Variants in PTPRM observed in about 807,000 individuals in gnomAD.
PTPRM encodes the protein receptor-type tyrosine-protein phosphatase mu.
A neutral mutation model predicts 186.7 loss-of-function variants in PTPRM; 47 were observed. That is an observed-to-expected ratio of 0.25 (90% CI 0.20 to 0.32). The LOEUF (loss-of-function observed/expected upper bound fraction) is 0.32, where lower values mean the gene tolerates loss of function less well. Ranked by LOEUF, PTPRM falls within the 10% of genes least tolerant of loss-of-function variation. PTPRM has a pLI of 1.00. For missense variants in PTPRM, 1,494 were observed against 1,865.0 expected (o/e 0.80, Z 3.66); for synonymous variants, 668 against 674.9 (o/e 0.99, Z 0.16).
At position 8,380,358 on chromosome 18, in the gene PTPRM, C is replaced by T; in HGVS notation, c.3849C>T (p.Asp1283=). ...ATCCTTTGCCAAACACAGTGAAAGA[C>T]TTTTGGAGACTGGTCCTGGATTATC... ...TQHPLPNTVK[D]FWRLVLDYHC... The change falls in exon 29 of 33, where the codon GAC becomes GAT. Residue 1283 remains aspartate (D), a synonymous_variant. Transcript: ENST00000580170. 6.2e-7 allele frequency: 1 copy of T among 1,614,120 alleles called. No individual in the cohort carries two copies. Among genetic ancestry groups the T allele is most frequent in the Non-Finnish European group, 8.5e-7 (1 of 1,179,972 alleles).
intron 1 of PTPRM, among the ~76,000 whole-genome samples, chr18:7,633,743 T>C (rs1440646780): frequency 6.6e-6 from 1 of 152,176 alleles, no homozygotes; most frequent in Non-Finnish European, 1.5e-5. Context: ...GCATCTTTTG[T>C]CTGGTTCTCA....
chr18:8,376,162 G>C lies in PTPRM; in HGVS notation c.3288G>C (p.Lys1096Asn). Residue 1096 changes from lysine to asparagine, a missense_variant, in exon 25 of 33, where the codon AAG (lysine) becomes AAC (asparagine). Physicochemically the swap from Lys to Asn is moderately conservative, Grantham distance 94. This residue lies in a region of PTPRM where 1,107 missense variants were observed against 1,350.2 expected (regional missense o/e 0.82). Transcript: ENST00000580170. ...GATTCGTGCGGCAAGTCAAGTCCAA[G>C]AGCCCGCCCAGTGCAGGCCCACTGG... Reference protein sequence around the residue: ...LLGFVRQVKSKSPPSAGPLVV... With the variant: ...LLGFVRQVKSNSPPSAGPLVV... The C allele has an allele frequency of 6.2e-7, 1 of 1,613,714 alleles. No homozygotes were observed. Among genetic ancestry groups the C allele is most frequent in the Non-Finnish European group, 8.5e-7 (1 of 1,180,000 alleles).
chr18:7,722,273 T>C (rs923429446), intron 1 of PTPRM, among the ~76,000 whole-genome samples: 1 of 152,196 alleles, frequency 6.6e-6, no homozygotes, highest in African/African-American at 2.4e-5. Flanking sequence ...TCAGATTGGC[T>C]TCTTTCACTG....
chr18:8,133,247 G>T (rs2092557161), intron 13 of PTPRM, among the ~76,000 whole-genome samples: 1 of 152,076 alleles, frequency 6.6e-6, no homozygotes, highest in Non-Finnish European at 1.5e-5. Flanking sequence ...ATTTTGCAGA[G>T]GACATTCAAA....
chr18:8,394,610 T>C lies in PTPRM; in HGVS notation c.4343T>C (p.Leu1448Pro), dbSNP rs2095836724. ...RNNKPNMVDL[L>P]DQYKFCYEVA... ...AACAAGCCCAACATGGTCGACCTCCTGGTAGGACACCCCCTCTGAGCTGTT... is the reference window on the plus strand; with the variant it reads ...AACAAGCCCAACATGGTCGACCTCCCGGTAGGACACCCCCTCTGAGCTGTT... Residue 1448 changes from leucine (L) to proline (P), a missense_variant and splice_region_variant, in exon 32 of 33, where the codon CTG (leucine) becomes CCG (proline). By Grantham distance (98) the Leu-to-Pro change is moderately conservative (BLOSUM62 -3). Coordinates refer to ENST00000580170, the MANE Select transcript of PTPRM (RefSeq NM_001105244.2). The C allele has an allele frequency of 1.2e-6, 2 of 1,609,510 alleles. No individual in the cohort carries two copies. The highest frequency in any genetic ancestry group is 1.7e-6 in the Non-Finnish European group (2 of 1,177,740).
intron 31 of PTPRM, among the ~76,000 whole-genome samples, chr18:8,391,038 A>G (rs1427340074): frequency 6.6e-6 from 1 of 152,098 alleles, no homozygotes; most frequent in Admixed American, 6.5e-5. Flanking sequence ...GCAAATCCAC[A>G]TTGAAACCAG....
intron 15 of PTPRM, among the ~76,000 whole-genome samples, chr18:8,244,747 C>T (rs753455695): frequency 1.3e-5 from 2 of 152,150 alleles, no homozygotes; most frequent in African/African-American, 2.4e-5. Context: ...TACTGCCTTC[C>T]CATACTACTA....
rs1032683146 is a variant in PTPRM at position 7,568,524 on chromosome 18, G to T, written c.73+633G>T. 1.5e-4 allele frequency among the ~76,000 whole-genome samples: 23 copies of T among 152,144 alleles called. No individual in the cohort carries two copies. The highest frequency in any genetic ancestry group is 4.6e-4 in the Admixed American group (7 of 15,286). On this transcript the variant is annotated intron_variant, in intron 1 of 32. Coordinates refer to ENST00000580170, the MANE Select transcript of PTPRM (RefSeq NM_001105244.2). This position sits in a 1 kb window ranked among gnomAD's most constrained non-coding sequence, Gnocchi z 5.1. ...TCGCCGGTCCCAGCGGTAGGGCTTGGCGGCCGCGGAGGGAAGCGGGCAGGT... is the reference window on the plus strand; with the variant it reads ...TCGCCGGTCCCAGCGGTAGGGCTTGTCGGCCGCGGAGGGAAGCGGGCAGGT...
chr18:7,687,475 T>C (rs1418326984), intron 1 of PTPRM, among the ~76,000 whole-genome samples: 1 of 152,214 alleles, frequency 6.6e-6, no homozygotes, highest in Non-Finnish European at 1.5e-5. Flanking sequence ...TTTACTCTAA[T>C]TTATTTGATA....
rs539952401 is a variant in PTPRM, at chr18:7,689,389, G to A, written c.74-84760G>A. On this transcript the variant is annotated intron_variant, in intron 1 of 32. Coordinates refer to ENST00000580170, the MANE Select transcript of PTPRM (RefSeq NM_001105244.2). ...TGCACGCACCCTTGGAGCCACAGTAGCAATGCCCTCCCTCGGCCCACCCCA... is the reference window on the plus strand; with the variant it reads ...TGCACGCACCCTTGGAGCCACAGTAACAATGCCCTCCCTCGGCCCACCCCA... 3.3e-5 allele frequency among the ~76,000 whole-genome samples: 5 copies of A among 152,322 alleles called. No homozygotes were observed. In the South Asian group the frequency reaches 1.0e-3, roughly 32 times the overall value.
At chr18:8,319,733 C>T (rs545876664) in intron 22 of PTPRM, among the ~76,000 whole-genome samples, 102 of 152,104 alleles carry the variant, frequency 6.7e-4, no homozygotes, top group Non-Finnish European at 1.1e-3. Context: ...GGTTGCTTTC[C>T]GGTGGGATGA....
At chr18:7,739,583 CAACTTTAGG>C (rs2040845671) in intron 1 of PTPRM, among the ~76,000 whole-genome samples, 1 of 152,208 alleles carries the variant, frequency 6.6e-6, no homozygotes, top group Admixed American at 6.5e-5. Flanking sequence ...TCCCATTCTT[CAACTTTAGG>C]ATAAATGGGG....
intron 14 of PTPRM, among the ~76,000 whole-genome samples, chr18:8,178,941 A>G (rs2093530841): frequency 6.6e-6 from 1 of 152,130 alleles, no homozygotes; most frequent in South Asian, 2.1e-4. Flanking sequence ...CTCACCTCTT[A>G]AGGTCCCAAG....
rs74611765 is a variant in PTPRM, at chr18:8,358,130, T to G, written c.3055-12760T>G. 5.3e-3 allele frequency among the ~76,000 whole-genome samples: 796 copies of G among 150,642 alleles called. 48 individuals carry two copies. The East Asian group carries it at 0.13, about 25-fold the overall frequency. Reference sequence around the variant, plus strand: ...GCACATTTTTGTTTAAGGCTAGCTATTCCCCCCCCCACACACACACACATT... The same window carrying G: ...GCACATTTTTGTTTAAGGCTAGCTAGTCCCCCCCCCACACACACACACATT... On this transcript the variant is annotated intron_variant, in intron 23 of 32. Coordinates refer to ENST00000580170, the MANE Select transcript of PTPRM (RefSeq NM_001105244.2).
At chr18:8,313,231 A>G (rs184583909) in intron 20 of PTPRM, among the ~76,000 whole-genome samples, 11 of 152,306 alleles carry the variant, frequency 7.2e-5, no homozygotes, top group Admixed American at 3.3e-4. Context: ...AGGGTTTCCC[A>G]CTGCTCTAGC....
chr18:8,376,233 C>T (rs1226266792), intron 25 of PTPRM, 33 bp downstream of exon 25: 7 of 1,600,752 alleles, frequency 4.4e-6, no homozygotes, highest in East Asian at 2.2e-5. Context: ...TTGAAGGAAA[C>T]GCAGTGGGTG....
At chr18:7,907,388 G>T (rs756365555) in intron 4 of PTPRM, among the ~76,000 whole-genome samples, 1 of 152,190 alleles carries the variant, frequency 6.6e-6, no homozygotes, top group African/African-American at 2.4e-5. Context: ...AACACTAGTG[G>T]TCTAGACTCA....
intron 14 of PTPRM, among the ~76,000 whole-genome samples, chr18:8,183,635 A>G (rs1302647794): frequency 1.3e-5 from 2 of 152,146 alleles, no homozygotes; most frequent in Non-Finnish European, 2.9e-5. Flanking sequence ...GTGTTAACCA[A>G]TGGGAGGAAT....
At chr18:8,240,499 GAGGAAGGAAGGAAGGAAGGAAGGA>G (rs1300777583) in intron 14 of PTPRM, among the ~76,000 whole-genome samples, 2 of 13,550 alleles carry the variant, frequency 1.5e-4, no homozygotes, top group Admixed American at 9.6e-4. Context: ...GAGAGAGAGA[GAGGAAGGAAGGAAGGAAGGAAGGA>G]AGGAAGGAAG....
Sources: allele counts gnomAD v4.1 joint callset (sites outside exome capture counted in the v4.1 genomes callset), GRCh38; gene constraint gnomAD v4.1.1; regional missense constraint gnomAD v4.1.1; non-coding constraint Gnocchi (gnomAD v3.1); transcripts MANE v1.5; gene names NCBI Gene and HGNC (gene_info 2026-07-23, HGNC 2026-07-21).